The following WWOX variants were observed in gnomAD, a reference collection of about 807,000 sequenced individuals.
WWOX encodes the protein WW domain-containing oxidoreductase.
Under a neutral mutation model 46.2 loss-of-function variants are expected in WWOX, and 69 were observed. That is an observed-to-expected ratio of 1.49 (90% confidence interval 1.23 to 1.82). WWOX has a LOEUF of 1.82. WWOX is among the 40% of genes most tolerant of loss of function. The probability of loss-of-function intolerance (pLI) is 0.00; values close to 1 mark genes in which losing one functional copy is unlikely to be tolerated. For synonymous variants in WWOX, 359 were observed against 202.6 expected, an observed-to-expected ratio of 1.77 and a Z score of -6.56; for missense variants, 919 against 542.6, an observed-to-expected ratio of 1.69 and a Z score of -6.89.
intron 8 of WWOX, among the ~76,000 whole-genome samples, chr16:78,806,028 C>G (rs141578391): frequency 6.6e-6 from 1 of 152,112 alleles, no homozygotes; most frequent in Non-Finnish European, 1.5e-5. Flanking sequence ...ATGAATTAAT[C>G]CAAAGCCACT....
At chr16:79,025,332 G>A (rs2047616393) in intron 8 of WWOX, among the ~76,000 whole-genome samples, 2 of 152,146 alleles carry the variant, frequency 1.3e-5, no homozygotes, top group South Asian at 2.1e-4. Flanking sequence ...CAAAAGATAT[G>A]TTCACTGGAA....
In WWOX at chr16:79,212,134, A is replaced by C; in HGVS notation, c.*338A>C. The C allele has an allele frequency of 1.3e-6, 2 of 1,528,206 alleles. No individual in the cohort carries two copies. The highest frequency in any genetic ancestry group is 1.8e-6 in the Non-Finnish European group (2 of 1,142,508). The allele number at this position is 1,528,206 out of a possible 1,614,324, so 94.7% of individuals were successfully genotyped here. A position where few individuals can be genotyped will look rare whatever the true frequency, so the allele number is the denominator to read the frequency against. ...TCTTTTACTGTTATAGAATAGCCTG[A>C]GGTCCCCTCGTCCCATCCAGCTACC... is the stretch of plus-strand genomic sequence containing the variant. On this transcript the variant is annotated 3_prime_UTR_variant, in exon 9 of 9. Coordinates refer to ENST00000566780, the MANE Select transcript of WWOX (RefSeq NM_016373.4).
chr16:78,505,595 C>T (rs2085178190), intron 8 of WWOX, among the ~76,000 whole-genome samples: 1 of 152,144 alleles, frequency 6.6e-6, no homozygotes, highest in Admixed American at 6.5e-5. Flanking sequence ...CTCTTGGGGC[C>T]AGCCAGCCTC....
At chr16:78,764,905 G>A (rs977408787) in intron 8 of WWOX, among the ~76,000 whole-genome samples, 4 of 152,054 alleles carry the variant, frequency 2.6e-5, no homozygotes, top group South Asian at 2.1e-4. Flanking sequence ...TTTTAAAAAC[G>A]CAAGTGTTGA....
chr16:78,989,199 T>C (rs765511351), intron 8 of WWOX, among the ~76,000 whole-genome samples: 1 of 152,178 alleles, frequency 6.6e-6, no homozygotes. Flanking sequence ...GGAATAGTGT[T>C]CCATCTTGGA....
At chr16:78,368,359 C>T (rs998935596) in intron 5 of WWOX, among the ~76,000 whole-genome samples, 1 of 152,162 alleles carries the variant, frequency 6.6e-6, no homozygotes, top group Non-Finnish European at 1.5e-5. Context: ...TCCCCACATG[C>T]CCTTCTGGGG....
At chr16:78,927,452 G>T (rs1216620420) in intron 8 of WWOX, among the ~76,000 whole-genome samples, 1 of 152,130 alleles carries the variant, frequency 6.6e-6, no homozygotes, top group Non-Finnish European at 1.5e-5. Context: ...TAAATTCTCT[G>T]TGGGTAAAAG....
intron 8 of WWOX, among the ~76,000 whole-genome samples, chr16:78,618,594 T>G (rs1429403766): frequency 2.0e-5 from 3 of 152,142 alleles, no homozygotes; most frequent in African/African-American, 7.2e-5. Flanking sequence ...CATTGTGAGG[T>G]ACTGGGGGTT....
At chr16:78,386,236 A>C (rs530030449) in intron 5 of WWOX, among the ~76,000 whole-genome samples, 2 of 152,282 alleles carry the variant, frequency 1.3e-5, no homozygotes, top group East Asian at 1.9e-4. Flanking sequence ...GGCAGGCCCT[A>C]AGTACACAGT....
intron 8 of WWOX, among the ~76,000 whole-genome samples, chr16:78,924,894 T>C (rs374653790): frequency 4.6e-5 from 7 of 152,190 alleles, no homozygotes; most frequent in African/African-American, 1.7e-4. Flanking sequence ...AATGTTTGTC[T>C]TTTCAAATAA....
At chr16:78,640,225 GGTT>G (rs1361493669) in intron 8 of WWOX, among the ~76,000 whole-genome samples, 1 of 116,454 alleles carries the variant, frequency 8.6e-6, no homozygotes, top group Non-Finnish European at 1.7e-5. Context: ...CTTGTTGTTG[GGTT>G]TTTTTTTTTT....
intron 7 of WWOX, among the ~76,000 whole-genome samples, chr16:78,425,380 C>T (rs541312028): frequency 6.6e-6 from 1 of 152,266 alleles, no homozygotes; most frequent in Non-Finnish European, 1.5e-5. Flanking sequence ...ACTTCAACAT[C>T]TTACCAAGAA....
chr16:79,025,901 T>G (rs892374097), intron 8 of WWOX, among the ~76,000 whole-genome samples: 1 of 146,418 alleles, frequency 6.8e-6, no homozygotes, highest in Non-Finnish European at 1.5e-5. Flanking sequence ...TGGGTTCAAG[T>G]GATTCTCCTG....
intron 8 of WWOX, among the ~76,000 whole-genome samples, chr16:78,872,022 A>G (rs1248411982): frequency 6.6e-6 from 1 of 152,178 alleles, no homozygotes; most frequent in Non-Finnish European, 1.5e-5. Flanking sequence ...CTGGAGAGAA[A>G]TCTCTAGTCT....
chr16:79,158,143 A>T (rs553951625), intron 8 of WWOX, among the ~76,000 whole-genome samples: 24 of 152,322 alleles, frequency 1.6e-4, no homozygotes, highest in African/African-American at 5.8e-4. Context: ...AGAGAAGTAG[A>T]CAGAGACCTC....
chr16:78,656,042 G>C (rs950426570), intron 8 of WWOX, among the ~76,000 whole-genome samples: 5 of 152,200 alleles, frequency 3.3e-5, no homozygotes, highest in African/African-American at 1.2e-4. Flanking sequence ...GGTCTGTTTT[G>C]AAATGGGGGT....
chr16:78,312,909 G>A (rs767771987), intron 5 of WWOX, among the ~76,000 whole-genome samples: 12 of 152,190 alleles, frequency 7.9e-5, no homozygotes, highest in Non-Finnish European at 1.8e-4. Flanking sequence ...CTATGGGCAT[G>A]TGCTGTGTGC....
chr16:78,723,331 T>A (rs1225724644), intron 8 of WWOX, among the ~76,000 whole-genome samples: 1 of 152,176 alleles, frequency 6.6e-6, no homozygotes, highest in Non-Finnish European at 1.5e-5. Context: ...GGTCAGTGTC[T>A]GTCAACGTGG....
At chr16:78,159,517 A>G (rs1161145884) in intron 4 of WWOX, among the ~76,000 whole-genome samples, 1 of 152,116 alleles carries the variant, frequency 6.6e-6, no homozygotes. Context: ...GATGAGAACC[A>G]CCTTAAGAGG....
Sources: allele counts gnomAD v4.1 joint callset (sites outside exome capture counted in the v4.1 genomes callset), GRCh38; gene constraint gnomAD v4.1.1; transcripts MANE v1.5; gene names NCBI Gene and HGNC (gene_info 2026-07-23, HGNC 2026-07-21).